EXOC2: variants seen among roughly 807,000 people sequenced by gnomAD.
The protein encoded by EXOC2 is SEC5-like 1.
EXOC2 carries 70 observed loss-of-function variants against 131.8 expected under a neutral mutation model. The observed-to-expected ratio is 0.53, with a 90% CI of 0.44 to 0.65. The LOEUF is 0.65. Among genes scored for constraint, EXOC2 ranks in the 30% least tolerant of loss-of-function variants. The pLI is 0.00. For synonymous variants in EXOC2, 411 were observed against 398.4 expected, an observed-to-expected ratio of 1.03 and a Z score of -0.38; for missense variants, 923 against 1,108.6, an observed-to-expected ratio of 0.83 and a Z score of 2.38.
chr6:556,015 T>C lies in EXOC2; in HGVS notation c.1933-2A>G, dbSNP rs2077767379. 1.2e-6 allele frequency: 2 copies of C among 1,613,720 alleles called. No individual in the cohort carries two copies. The highest frequency in any genetic ancestry group is 1.3e-5 in the African/African-American group (1 of 74,930). ...CTGTGTTTTAGGTTGTTGGAAGACC[T>C]GTAAGGAAGAATTTTGATGAAAATT... On this transcript the variant is annotated splice_acceptor_variant, in intron 18 of 27. Coordinates refer to ENST00000230449, the MANE Select transcript of EXOC2 (RefSeq NM_018303.6). LOFTEE classifies it high-confidence loss of function.
In EXOC2 at chr6:491,184, C is replaced by T. The variant is rs190554244; in HGVS notation, c.2562G>A (p.Ala854=). The change falls in exon 26 of 28, where the codon GCG becomes GCA. Residue 854 remains alanine, a splice_region_variant and synonymous_variant. Coordinates refer to ENST00000230449, the MANE Select transcript of EXOC2 (RefSeq NM_018303.6). ...CCCTCAAAGCACAGATTTCAAGTCT[C>T]GCCTGAAAATGAGAAAAAGACAAAG... ...SSFSKNGALQ[A]RLEICALRDT... is the part of the protein sequence containing the mutation. The T allele has an allele frequency of 3.5e-5, 57 of 1,614,086 alleles. No homozygotes were observed. The East Asian group carries it at 6.2e-4, about 18-fold the overall frequency.
chr6:642,280 T>C (rs1762390517), intron 1 of EXOC2, among the ~76,000 whole-genome samples: 1 of 152,266 alleles, frequency 6.6e-6, no homozygotes, highest in Admixed American at 6.5e-5. Flanking sequence ...AGATATTTTA[T>C]TTGTTTCTTC....
rs547349647 is a variant in EXOC2 at position 552,720 on chromosome 6, T to C, written c.2121+1134A>G. ...ATTCTCTACCTAGTCATCCAAGGAATTGAATCTAGAATAATTTTTTAAATT... is the reference window on the plus strand; with the variant it reads ...ATTCTCTACCTAGTCATCCAAGGAACTGAATCTAGAATAATTTTTTAAATT... On this transcript the variant is annotated intron_variant, in intron 21 of 27. Coordinates refer to ENST00000230449, the MANE Select transcript of EXOC2 (RefSeq NM_018303.6). 1.5e-3 allele frequency among the ~76,000 whole-genome samples: 236 copies of C among 152,304 alleles called. 1 individual carries two copies. Among genetic ancestry groups the C allele is most frequent in the Non-Finnish European group, 3.1e-3 (212 of 68,026 alleles).
Position 677,938 on chromosome 6 carries a change from A to T in EXOC2, c.-44+15081T>A, listed in dbSNP as rs562202018. 1.2e-3 allele frequency among the ~76,000 whole-genome samples: 169 copies of T among 138,252 alleles called. 1 individual carries two copies. Among genetic ancestry groups the T allele is most frequent in the East Asian group, 5.3e-3 (27 of 5,092 alleles). 90.7% of individuals were successfully genotyped at this position (138,252 alleles called of 152,430 possible). The stretch of plus-strand genomic sequence containing the variant: ...AGGGGCTGTGCTTATAATCTCTCAC[A>T]CACACACACACACACACACACACAC... On this transcript the variant is annotated intron_variant, in intron 1 of 27. Transcript: ENST00000230449.
At chr6:628,336 A>G (rs559538744) in intron 4 of EXOC2, among the ~76,000 whole-genome samples, 1 of 152,368 alleles carries the variant, frequency 6.6e-6, no homozygotes, top group Admixed American at 6.5e-5. Flanking sequence ...ATTATTCTTC[A>G]CTGCCATTAC....
At chr6:625,384 AG>A (rs1301718217) in intron 4 of EXOC2, among the ~76,000 whole-genome samples, 2 of 152,200 alleles carry the variant, frequency 1.3e-5, no homozygotes, top group African/African-American at 2.4e-5. Context: ...TGGAAGACGG[AG>A]GGGGGAGGCC....
At chr6:688,955 G>A (rs536526922) in intron 1 of EXOC2, among the ~76,000 whole-genome samples, 1 of 152,274 alleles carries the variant, frequency 6.6e-6, no homozygotes, top group South Asian at 2.1e-4. Context: ...CCTTTAAAAT[G>A]AGAAAAGGCC....
intron 11 of EXOC2, among the ~76,000 whole-genome samples, chr6:590,029 G>A (rs1759449874): frequency 6.6e-6 from 1 of 151,952 alleles, no homozygotes; most frequent in Admixed American, 6.6e-5. Context: ...GCAGGAGAAT[G>A]GTGTGAACCT....
At chr6:632,805 G>A (rs888350068) in intron 3 of EXOC2, 136 bp downstream of exon 3, 2 of 894,726 alleles carry the variant, frequency 2.2e-6, no homozygotes, top group Non-Finnish European at 3.3e-6. Context: ...TCCCAATCCT[G>A]TCAAAATAAA....
chr6:643,203 A>G (rs886615122), intron 1 of EXOC2, among the ~76,000 whole-genome samples: 3 of 152,232 alleles, frequency 2.0e-5, no homozygotes, highest in Admixed American at 6.5e-5. Flanking sequence ...ATAACTAGAT[A>G]TTAAAAAACA....
At chr6:494,810 A>G (rs1210803706) in intron 25 of EXOC2, among the ~76,000 whole-genome samples, 1 of 152,180 alleles carries the variant, frequency 6.6e-6, no homozygotes, top group Non-Finnish European at 1.5e-5. Flanking sequence ...CTGTATGAAT[A>G]TATTAGTTTA....
At position 614,334 on chromosome 6, in the gene EXOC2, G is replaced by C. The variant is rs1177409439; in HGVS notation, c.661+3377C>G. On this transcript the variant is annotated intron_variant, in intron 6 of 27. Transcript: ENST00000230449. ...ACAGACTCCGGATCTGGACAACAAG[G>C]TTTGGGGAGCTTCCTTGGCTGCAAG... is the stretch of plus-strand genomic sequence containing the variant. Among the ~76,000 whole-genome samples, 2 of 152,246 alleles carry C rather than the reference G, an allele frequency of 1.3e-5. 1 individual carries two copies. The highest frequency in any genetic ancestry group is 2.9e-5 in the Non-Finnish European group (2 of 68,046).
intron 11 of EXOC2, among the ~76,000 whole-genome samples, chr6:583,504 G>T (rs1759029674): frequency 6.6e-6 from 1 of 152,140 alleles, no homozygotes; most frequent in Admixed American, 6.5e-5. Flanking sequence ...AAAAAAAAGA[G>T]ACCTTAATCC....
intron 22 of EXOC2, among the ~76,000 whole-genome samples, chr6:547,941 G>C (rs937113026): frequency 2.0e-5 from 3 of 152,110 alleles, no homozygotes; most frequent in Admixed American, 1.3e-4. Flanking sequence ...AAAAAACCTA[G>C]AGAAAACCAA....
chr6:511,474 A>G (rs942849018), intron 23 of EXOC2, among the ~76,000 whole-genome samples: 6 of 152,384 alleles, frequency 3.9e-5, no homozygotes, highest in Admixed American at 3.3e-4. Flanking sequence ...TCTAGGTAGA[A>G]ATGCATACAT....
chr6:523,721 T>C (rs1765603393), intron 23 of EXOC2, among the ~76,000 whole-genome samples: 1 of 152,230 alleles, frequency 6.6e-6, no homozygotes, highest in Non-Finnish European at 1.5e-5. Context: ...TCTCTCCCTG[T>C]TGCCCAGGCT....
rs536598688 is a variant in EXOC2, at chr6:680,925, C to G, written c.-44+12094G>C. Among the ~76,000 whole-genome samples, 3 of 152,252 alleles carry G rather than the reference C, an allele frequency of 2.0e-5. No individual in the cohort carries two copies. The East Asian group carries it at 5.8e-4, about 29-fold the overall frequency. ...GAAACGGTGGCCGGGCTGACCAGAT[C>G]TGGGGATGCACGGGCTCTTCTTTCA... On this transcript the variant is annotated intron_variant, in intron 1 of 27. Coordinates refer to ENST00000230449, the MANE Select transcript of EXOC2 (RefSeq NM_018303.6).
intron 10 of EXOC2, 72 bp from the exon 11 acceptor site, chr6:592,659 G>A: frequency 8.7e-7 from 1 of 1,154,520 alleles, no homozygotes; most frequent in East Asian, 2.4e-5. Context: ...CTTTTTAAAG[G>A]CTAAAATTTT....
At chr6:524,754 T>C (rs1166649169) in intron 23 of EXOC2, 1 of 152,222 alleles carries the variant, frequency 6.6e-6, no homozygotes, top group Non-Finnish European at 1.5e-5. Context: ...TTAATAAATA[T>C]AGAAATTTTT....
Sources: gnomAD v4.1 joint callset for allele counts (sites outside exome capture counted in the v4.1 genomes callset) on GRCh38, gnomAD v4.1.1 for gene constraint, MANE v1.5 for transcripts, NCBI Gene and HGNC (gene_info 2026-07-23, HGNC 2026-07-21) for gene names.